ANKS1B: variants seen among roughly 807,000 people sequenced by gnomAD.
ANKS1B encodes ankyrin repeat and sterile alpha motif domain-containing protein 1B.
A neutral mutation model predicts 148.3 loss-of-function variants in ANKS1B; 36 were observed. The ratio of observed to expected loss-of-function variants is 0.24; its 90% CI spans 0.19 to 0.32. The LOEUF is 0.32. Ranked by LOEUF, ANKS1B falls within the 10% of genes least tolerant of loss-of-function variation. The probability of loss-of-function intolerance (pLI) is 1.00; values close to 1 mark genes in which losing one functional copy is unlikely to be tolerated. For missense variants in ANKS1B, 1,157 were observed against 1,542.6 expected (o/e 0.75, Z 4.19); for synonymous variants, 542 against 560.8 (o/e 0.97, Z 0.47).
At chr12:99,116,579 C>T (rs544521723) in intron 15 of ANKS1B, among the ~76,000 whole-genome samples, 15 of 151,828 alleles carry the variant, frequency 9.9e-5, no homozygotes, top group East Asian at 1.9e-4. Flanking sequence ...CTGTCTTTTT[C>T]GTTATCTTTA....
At chr12:99,269,374 T>C (rs2076783524) in intron 12 of ANKS1B, among the ~76,000 whole-genome samples, 1 of 152,226 alleles carries the variant, frequency 6.6e-6, no homozygotes, top group South Asian at 2.1e-4. Context: ...ATTAAATGCT[T>C]CTTGTATGCA....
chr12:98,772,044 G>T (rs903862861), intron 25 of ANKS1B, among the ~76,000 whole-genome samples: 1 of 152,180 alleles, frequency 6.6e-6, no homozygotes. Context: ...TAGTAAATGA[G>T]TAATGGCAGT....
chr12:99,492,767 T>C (rs1426573326), intron 10 of ANKS1B, among the ~76,000 whole-genome samples: 4 of 152,154 alleles, frequency 2.6e-5, no homozygotes, highest in African/African-American at 9.7e-5. Flanking sequence ...ATAAATGTGA[T>C]TCATCACATA....
chr12:99,938,098 G>A (rs964429088), intron 1 of ANKS1B, among the ~76,000 whole-genome samples: 1 of 152,112 alleles, frequency 6.6e-6, no homozygotes, highest in Non-Finnish European at 1.5e-5. Flanking sequence ...AAGGTGACAC[G>A]ACAGATGGGA....
At chr12:99,453,166 T>C (rs909123221) in intron 10 of ANKS1B, among the ~76,000 whole-genome samples, 1 of 152,076 alleles carries the variant, frequency 6.6e-6, no homozygotes, top group African/African-American at 2.4e-5. Flanking sequence ...GGTGGGTGCC[T>C]GTAGTCCCAG....
intron 8 of ANKS1B, among the ~76,000 whole-genome samples, chr12:99,750,135 T>C (rs2060966929): frequency 6.6e-6 from 1 of 152,090 alleles, no homozygotes; most frequent in Non-Finnish European, 1.5e-5. Flanking sequence ...ATTTTATTTC[T>C]TTAAATATGT....
rs1185710627 is a variant in ANKS1B, at chr12:99,650,346, C to T, written c.1272+4721G>A. 5.3e-5 allele frequency among the ~76,000 whole-genome samples: 8 copies of T among 152,142 alleles called. No homozygotes were observed. The East Asian group carries it at 9.6e-4, about 18-fold the overall frequency. On this transcript the variant is annotated intron_variant, in intron 9 of 26. Coordinates refer to ENST00000683438, the MANE Select transcript of ANKS1B (RefSeq NM_001352186.2). Reference sequence around the variant, plus strand: ...AGGTTTGAATCACAGCATTGCCACACATTAACTGTGAGTTTCAGTAGATTG... The same window carrying T: ...AGGTTTGAATCACAGCATTGCCACATATTAACTGTGAGTTTCAGTAGATTG...
chr12:99,660,429 T>A (rs760460423), intron 8 of ANKS1B, among the ~76,000 whole-genome samples: 48 of 142,260 alleles, frequency 3.4e-4, no homozygotes, highest in Non-Finnish European at 5.9e-4. Flanking sequence ...AGTGGCACAA[T>A]CTCTGCTCAC....
chr12:99,118,430 C>T (rs2061928186), intron 15 of ANKS1B, among the ~76,000 whole-genome samples: 1 of 152,190 alleles, frequency 6.6e-6, no homozygotes, highest in South Asian at 2.1e-4. Flanking sequence ...CATTTTGATG[C>T]AGTATAATCT....
chr12:99,783,172 C>T (rs1402585875), intron 4 of ANKS1B, among the ~76,000 whole-genome samples: 4 of 139,362 alleles, frequency 2.9e-5, no homozygotes, highest in South Asian at 2.2e-4. Context: ...GCCTGGGTGA[C>T]AGAGTGAGAA....
Position 98,744,215 on chromosome 12 carries a change from G to A in ANKS1B, c.*1524C>T. 2.1e-6 allele frequency: 2 copies of A among 965,568 alleles called. No homozygotes were observed. Among genetic ancestry groups the A allele is most frequent in the Non-Finnish European group, 2.5e-6 (2 of 811,518 alleles). The allele number at this position is 965,568 out of a possible 1,614,324, so 59.8% of individuals were successfully genotyped here. ...ATAGGCAAAATATATACAAGGAACT[G>A]TTCAGTTCAAGTAATTTAATATTGT... is the stretch of plus-strand genomic sequence containing the variant. On this transcript the variant is annotated 3_prime_UTR_variant, in exon 27 of 27. Coordinates refer to ENST00000683438, the MANE Select transcript of ANKS1B (RefSeq NM_001352186.2).
chr12:99,353,079 T>TAC (rs1375263693), intron 12 of ANKS1B, among the ~76,000 whole-genome samples: 5 of 152,026 alleles, frequency 3.3e-5, no homozygotes, highest in African/African-American at 1.2e-4. Flanking sequence ...AAGCCCCGGT[T>TAC]ACCCTTCTCC....
rs549172884 is a variant in ANKS1B, at chr12:99,246,503, T to G, written c.2118A>C (p.Ala706=). 70 of 1,613,912 alleles carry G rather than the reference T, an allele frequency of 4.3e-5. 1 individual carries two copies. The South Asian group carries it at 7.6e-4, about 17-fold the overall frequency. Residue 706 remains alanine (A), a synonymous_variant, in exon 13 of 27, where the codon GCA becomes GCC. Coordinates refer to ENST00000683438, the MANE Select transcript of ANKS1B (RefSeq NM_001352186.2). ...SRNGDQWVMN[A]GGFVERACTL... The stretch of plus-strand genomic sequence containing the variant: ...TACAGGCTCTCTCCACAAATCCCCC[T>G]GCGTTCATAACCCACTGGTCCCCAT...
At chr12:99,502,244 C>G (rs79682235) in intron 10 of ANKS1B, among the ~76,000 whole-genome samples, 9 of 152,194 alleles carry the variant, frequency 5.9e-5, no homozygotes, top group South Asian at 2.1e-4. Context: ...AGCTTCCCCC[C>G]CTGAATATGC....
intron 15 of ANKS1B, among the ~76,000 whole-genome samples, chr12:99,123,835 G>A (rs999948414): frequency 1.3e-5 from 2 of 152,142 alleles, no homozygotes; most frequent in African/African-American, 4.8e-5. Flanking sequence ...CACCCAGATT[G>A]AGGGTGGGTC....
intron 19 of ANKS1B, among the ~76,000 whole-genome samples, chr12:98,808,415 C>A (rs2099067500): frequency 6.6e-6 from 1 of 152,126 alleles, no homozygotes; most frequent in African/African-American, 2.4e-5. Context: ...GATATTTATG[C>A]CTCCAGAGTT....
At chr12:99,315,434 T>A (rs2083891907) in intron 12 of ANKS1B, among the ~76,000 whole-genome samples, 1 of 152,072 alleles carries the variant, frequency 6.6e-6, no homozygotes, top group Non-Finnish European at 1.5e-5. Context: ...AAAGAAGACA[T>A]TTATGCAGCC....
At chr12:99,446,578 C>T (rs541398020) in intron 10 of ANKS1B, among the ~76,000 whole-genome samples, 4 of 152,042 alleles carry the variant, frequency 2.6e-5, no homozygotes, top group Non-Finnish European at 5.9e-5. Context: ...AAATTTCAGA[C>T]TGATGCCATG....
At chr12:98,776,242 G>A (rs182960047) in intron 24 of ANKS1B, among the ~76,000 whole-genome samples, 1 of 152,340 alleles carries the variant, frequency 6.6e-6, no homozygotes, top group Admixed American at 6.5e-5. Context: ...AGAAGCCAAA[G>A]AGGAACACAT....
Sources: allele counts gnomAD v4.1 joint callset (sites outside exome capture counted in the v4.1 genomes callset), GRCh38; gene constraint gnomAD v4.1.1; transcripts MANE v1.5; gene names NCBI Gene and HGNC (gene_info 2026-07-23, HGNC 2026-07-21).